RAB11FIP4: variants seen among roughly 807,000 people sequenced by gnomAD.
The protein encoded by RAB11FIP4 is rab11 family-interacting protein 4.
RAB11FIP4 carries 23 observed loss-of-function variants against 74.3 expected under a neutral mutation model. The ratio of observed to expected loss-of-function variants is 0.31; its 90% CI spans 0.22 to 0.44. RAB11FIP4 has a LOEUF of 0.44. RAB11FIP4 is among the 20% of genes least tolerant of loss of function. RAB11FIP4 has a pLI of 1.00. For synonymous variants in RAB11FIP4, 360 were observed against 359.9 expected, an observed-to-expected ratio of 1.00 and a Z score of 0.00; for missense variants, 630 against 863.9, an observed-to-expected ratio of 0.73 and a Z score of 3.39.
chr17:31,486,955 G>C (rs1275611249), intron 3 of RAB11FIP4, among the ~76,000 whole-genome samples: 1 of 152,190 alleles, frequency 6.6e-6, no homozygotes, highest in Non-Finnish European at 1.5e-5. Context: ...GGGCAAAGCT[G>C]GTGCGTGTGT....
At chr17:31,416,303 C>T (rs1021617453) in intron 1 of RAB11FIP4, among the ~76,000 whole-genome samples, 12 of 152,186 alleles carry the variant, frequency 7.9e-5, no homozygotes, top group African/African-American at 2.9e-4. Flanking sequence ...TGACTGATTC[C>T]GTGGGACAGC....
chr17:31,514,436 C>T (rs898722723), intron 3 of RAB11FIP4, among the ~76,000 whole-genome samples: 2 of 152,116 alleles, frequency 1.3e-5, no homozygotes, highest in Admixed American at 6.5e-5. Flanking sequence ...CAGGATGTGG[C>T]TGTAGGGGGA....
In RAB11FIP4 at chr17:31,448,413, G is replaced by GTTTTTTTTTTTTTTTTTTT. The variant is rs1567659533; in HGVS notation, c.336+14291_336+14292insTTTTTTTTTTTTTTTTTTT. 1.0e-4 allele frequency: 3 copies of GTTTTTTTTTTTTTTTTTTT among 29,722 alleles called. 1 individual carries two copies. Among genetic ancestry groups the GTTTTTTTTTTTTTTTTTTT allele is most frequent in the African/African-American group, 4.5e-4 (2 of 4,410 alleles). The allele number at this position is 29,722 out of a possible 1,614,324, so 1.8% of individuals were successfully genotyped here. A position where few individuals can be genotyped will look rare whatever the true frequency, so the allele number is the denominator to read the frequency against. ...GCTAATTTTTTTTTTTTTTTTTTTG[G>GTTTTTTTTTTTTTTTTTTT]CAGAGACCGGGTCTAGCTATGTTGC... On this transcript the variant is annotated intron_variant, in intron 3 of 14. Coordinates refer to ENST00000621161, the MANE Select transcript of RAB11FIP4 (RefSeq NM_032932.6).
At chr17:31,453,322 C>T (rs1199156308) in intron 3 of RAB11FIP4, among the ~76,000 whole-genome samples, 2 of 139,706 alleles carry the variant, frequency 1.4e-5, no homozygotes, top group Non-Finnish European at 3.0e-5. Context: ...CACGACTGCA[C>T]TCCAGCCTGT....
intron 1 of RAB11FIP4, 92 bp downstream of exon 1, chr17:31,392,103 C>G (rs559903834): frequency 9.8e-7 from 1 of 1,020,476 alleles, no homozygotes; most frequent in South Asian, 4.4e-5. Flanking sequence ...CCCGCGTGGC[C>G]CGAGGCGGTG....
Position 31,528,745 on chromosome 17 carries a change from G to A in RAB11FIP4, c.1620G>A (p.Val540=). ...AGTTCAATGCCAGGGCCCGCGAGGT[G>A]GAGCTCGAGCACGAGGTCAAGCGGC... is the stretch of plus-strand genomic sequence containing the variant. ...LGEFNARARE[V]ELEHEVKRLK... The change falls in exon 13 of 15, where the codon GTG becomes GTA. Residue 540 remains valine (V), a synonymous_variant. Transcript: ENST00000621161. 1.2e-6 allele frequency: 2 copies of A among 1,611,202 alleles called. No individual in the cohort carries two copies. The highest frequency in any genetic ancestry group is 1.7e-6 in the Non-Finnish European group (2 of 1,179,570).
At position 31,449,209 on chromosome 17, in the gene RAB11FIP4, C is replaced by T. The variant is rs117162964; in HGVS notation, c.336+15087C>T. Among the ~76,000 whole-genome samples, 22 of 152,206 alleles carry T rather than the reference C, an allele frequency of 1.4e-4. No homozygotes were observed. The East Asian group carries it at 4.1e-3, about 28-fold the overall frequency. ...ACCCTGCTCTGACACAGGCCATGCC[C>T]TCCAATCCCAGCTCCTCACCCGCAC... On this transcript the variant is annotated intron_variant, in intron 3 of 14. Transcript: ENST00000621161.
Position 31,465,332 on chromosome 17 carries a change from TG to T in RAB11FIP4, c.336+31212del, listed in dbSNP as rs549174314. 3.7e-3 allele frequency among the ~76,000 whole-genome samples: 566 copies of T among 151,962 alleles called. 4 individuals carry two copies. Among genetic ancestry groups the T allele is most frequent in the African/African-American group, 0.013 (533 of 41,450 alleles). ...CCCATTGACTAGCCCAGGATGTGGG[TG>T]GACCTGGGAATCTGCATCCTTAGCA... On this transcript the variant is annotated intron_variant, in intron 3 of 14. Coordinates refer to ENST00000621161, the MANE Select transcript of RAB11FIP4 (RefSeq NM_032932.6).
chr17:31,393,038 G>T (rs1394263520), intron 1 of RAB11FIP4, among the ~76,000 whole-genome samples: 1 of 152,218 alleles, frequency 6.6e-6, no homozygotes, highest in Non-Finnish European at 1.5e-5. Flanking sequence ...TGATGGCCAG[G>T]TTGGGCCCGT....
intron 1 of RAB11FIP4, among the ~76,000 whole-genome samples, chr17:31,411,443 ACT>A (rs2071095062): frequency 6.6e-6 from 1 of 151,958 alleles, no homozygotes; most frequent in African/African-American, 2.4e-5. Context: ...TAAGTCCCTG[ACT>A]CTCTGGAGCT....
In RAB11FIP4 at chr17:31,525,135, C is replaced by A; in HGVS notation, c.1179C>A (p.Ala393=). Residue 393 remains alanine, a synonymous_variant, in exon 10 of 15, where the codon GCC becomes GCA. Coordinates refer to ENST00000621161, the MANE Select transcript of RAB11FIP4 (RefSeq NM_032932.6). The part of the protein sequence containing the change: ...EEMVKDQETT[A]EQALEEEARR... ...TGGTGAAGGATCAGGAGACCACGGC[C>A]GAGCAGGCTCTGGAGGAGGAGGCGC... 6.5e-7 allele frequency: 1 copy of A among 1,550,174 alleles called. No individual in the cohort carries two copies. The highest frequency in any genetic ancestry group is 8.7e-7 in the Non-Finnish European group (1 of 1,147,038).
At chr17:31,458,255 C>T (rs1260777003) in intron 3 of RAB11FIP4, among the ~76,000 whole-genome samples, 2 of 152,198 alleles carry the variant, frequency 1.3e-5, no homozygotes, top group Non-Finnish European at 2.9e-5. Flanking sequence ...ACTCCCTCCA[C>T]CCCATCCCTG....
At chr17:31,492,759 C>G (rs2072034300) in intron 3 of RAB11FIP4, among the ~76,000 whole-genome samples, 1 of 152,110 alleles carries the variant, frequency 6.6e-6, no homozygotes, top group Non-Finnish European at 1.5e-5. Flanking sequence ...TTCTGTGGAC[C>G]CCATTCAAGG....
chr17:31,458,815 G>A (rs564210066), intron 3 of RAB11FIP4, among the ~76,000 whole-genome samples: 5 of 152,322 alleles, frequency 3.3e-5, no homozygotes, highest in Admixed American at 2.0e-4. Flanking sequence ...CGTTTGGGGC[G>A]AAGCTGCCAC....
In RAB11FIP4 at chr17:31,517,866, G is replaced by A; in HGVS notation, c.552G>A (p.Leu184=). Reference sequence around the variant, plus strand: ...ACGGGGGACTTGGGGGCCTGTTTCTGCCAGAAGACAAGTGAGTTAAAACCA... The same window carrying A: ...ACGGGGGACTTGGGGGCCTGTTTCTACCAGAAGACAAGTGAGTTAAAACCA... ...EKDGGLGGLF[L]PEDKSLVHTP... The change falls in exon 4 of 15, where the codon CTG becomes CTA. Residue 184 remains leucine, a synonymous_variant. Transcript: ENST00000621161. 6.4e-7 allele frequency: 1 copy of A among 1,551,466 alleles called. No individual in the cohort carries two copies. Among genetic ancestry groups the A allele is most frequent in the Non-Finnish European group, 8.7e-7 (1 of 1,146,910 alleles).
chr17:31,437,938 C>T (rs867594945), intron 3 of RAB11FIP4, among the ~76,000 whole-genome samples: 12 of 152,176 alleles, frequency 7.9e-5, no homozygotes, highest in African/African-American at 2.9e-4. Context: ...GCTCCACCTG[C>T]GTCCCCAGAG....
intron 3 of RAB11FIP4, among the ~76,000 whole-genome samples, chr17:31,505,011 A>G (rs1794622248): frequency 6.6e-6 from 1 of 152,214 alleles, no homozygotes; most frequent in Non-Finnish European, 1.5e-5. Context: ...TAGAAGTTAG[A>G]TCCTAAGGCT....
At chr17:31,414,276 C>G (rs1379475003) in intron 1 of RAB11FIP4, among the ~76,000 whole-genome samples, 4 of 152,230 alleles carry the variant, frequency 2.6e-5, no homozygotes, top group African/African-American at 9.6e-5. Flanking sequence ...ATTCCCGAGG[C>G]TATTTTTATT....
chr17:31,513,710 T>C (rs1014691182), intron 3 of RAB11FIP4, among the ~76,000 whole-genome samples: 3 of 152,256 alleles, frequency 2.0e-5, no homozygotes, highest in Non-Finnish European at 2.9e-5. Context: ...AATTTCCGAT[T>C]GCCTTGGACA....
Sources: gnomAD v4.1 joint callset for allele counts (sites outside exome capture counted in the v4.1 genomes callset) on GRCh38, gnomAD v4.1.1 for gene constraint, MANE v1.5 for transcripts, NCBI Gene and HGNC (gene_info 2026-07-23, HGNC 2026-07-21) for gene names.